The following TRPC4 variants were observed in gnomAD, a reference collection of about 807,000 sequenced individuals.
The protein encoded by TRPC4 is short transient receptor potential channel 4.
Under a neutral mutation model 99.4 loss-of-function variants are expected in TRPC4, and 49 were observed. The observed-to-expected ratio is 0.49, with a 90% confidence interval of 0.39 to 0.63. The LOEUF is 0.63. Ranked by LOEUF, TRPC4 falls within the 20% of genes least tolerant of loss-of-function variation. TRPC4 has a pLI of 0.00. For missense variants in TRPC4, 898 were observed against 1,152.9 expected, an observed-to-expected ratio of 0.78 and a Z score of 3.20; for synonymous variants, 454 against 425.9, an observed-to-expected ratio of 1.07 and a Z score of -0.81.
intron 3 of TRPC4, among the ~76,000 whole-genome samples, chr13:37,718,815 T>C (rs1954764363): frequency 6.6e-6 from 1 of 152,044 alleles, no homozygotes; most frequent in African/African-American, 2.4e-5. Context: ...ATTTGAAGTC[T>C]CAGAAGAATA....
chr13:37,800,158 G>A (rs892946379), intron 1 of TRPC4, among the ~76,000 whole-genome samples: 4 of 152,154 alleles, frequency 2.6e-5, no homozygotes, highest in African/African-American at 4.8e-5. Context: ...CACATATTCT[G>A]TGGCAGATAT....
chr13:37,677,056 G>A (rs1953082462), intron 4 of TRPC4, among the ~76,000 whole-genome samples: 1 of 151,882 alleles, frequency 6.6e-6, no homozygotes, highest in Non-Finnish European at 1.5e-5. Context: ...AAAGTAAAAG[G>A]TATAATGACA....
intron 3 of TRPC4, among the ~76,000 whole-genome samples, chr13:37,714,037 TTCCTTCCTTCCTTCCC>T (rs886252734): frequency 3.9e-5 from 6 of 151,916 alleles, no homozygotes; most frequent in East Asian, 1.9e-4. Flanking sequence ...CCAAGCTTGC[TTCCTTCCTTCCTTCCC>T]TCCTTCCTTC....
At chr13:37,837,837 C>G (rs1958609258) in intron 1 of TRPC4, among the ~76,000 whole-genome samples, 1 of 152,068 alleles carries the variant, frequency 6.6e-6, no homozygotes, top group Non-Finnish European at 1.5e-5. Flanking sequence ...TTGGCTGTGT[C>G]CCCACTCAAA....
chr13:37,798,407 T>C (rs1957310444), intron 1 of TRPC4, among the ~76,000 whole-genome samples: 2 of 152,124 alleles, frequency 1.3e-5, no homozygotes, highest in Admixed American at 1.3e-4. Context: ...AAAAAAATGG[T>C]TTATTAACTT....
At chr13:37,655,421 C>T (rs1239077261) in intron 6 of TRPC4, 138 bp from the exon 7 acceptor site, 3 of 314,400 alleles carry the variant, frequency 9.5e-6, no homozygotes, top group Non-Finnish European at 1.1e-5. Context: ...GTAAAATAAC[C>T]TTTTAGGACA....
chr13:37,746,565 G>C (rs1485803908), intron 2 of TRPC4, 110 bp from the exon 3 acceptor site: 11 of 139,874 alleles, frequency 7.9e-5, no homozygotes, highest in Non-Finnish European at 1.3e-4. Context: ...GTCCTTGGCC[G>C]GGTTTTTTTT....
intron 1 of TRPC4, among the ~76,000 whole-genome samples, chr13:37,866,916 C>T (rs1959794713): frequency 6.7e-6 from 1 of 148,744 alleles, no homozygotes; most frequent in South Asian, 2.1e-4. Context: ...GTCTCCTCAA[C>T]CTCATTTTTA....
At chr13:37,843,731 G>C (rs1255874887) in intron 1 of TRPC4, among the ~76,000 whole-genome samples, 1 of 151,470 alleles carries the variant, frequency 6.6e-6, no homozygotes, top group Non-Finnish European at 1.5e-5. Context: ...TGCACACACA[G>C]AGTAGTGTGT....
At chr13:37,716,726 C>T (rs574126881) in intron 3 of TRPC4, among the ~76,000 whole-genome samples, 22 of 152,104 alleles carry the variant, frequency 1.4e-4, no homozygotes, top group South Asian at 1.2e-3. Flanking sequence ...AAAAAAACCA[C>T]GCACTCTCTC....
intron 2 of TRPC4, among the ~76,000 whole-genome samples, chr13:37,756,711 T>TCTTAG (rs1956107723): frequency 6.6e-6 from 1 of 151,628 alleles, no homozygotes; most frequent in Non-Finnish European, 1.5e-5. Context: ...TTTTTTGGAT[T>TCTTAG]CTTAGCAGAT....
rs575163386 is a variant in TRPC4 at position 37,782,262 on chromosome 13, G to C, written c.378+694C>G. On this transcript the variant is annotated intron_variant, in intron 2 of 10. Transcript: ENST00000379705. ...TCCACTTCCTTAGTGGAAAAAGACAGAGAGAAAGAGAAAAACACACATTGT... is the reference window on the plus strand; with the variant it reads ...TCCACTTCCTTAGTGGAAAAAGACACAGAGAAAGAGAAAAACACACATTGT... Among the ~76,000 whole-genome samples the C allele has an allele frequency of 2.0e-5, 3 of 152,248 alleles. No individual in the cohort carries two copies. In the South Asian group the frequency reaches 6.2e-4, roughly 32 times the overall value.
At chr13:37,696,561 C>G (rs1953910947) in intron 3 of TRPC4, among the ~76,000 whole-genome samples, 1 of 152,178 alleles carries the variant, frequency 6.6e-6, no homozygotes, top group Non-Finnish European at 1.5e-5. Context: ...GAACAACCGT[C>G]CTGGCTACTT....
rs1274847242 is a variant in TRPC4, at chr13:37,632,496, G to A, written c.*4407C>T. Among the ~76,000 whole-genome samples, 1 of 152,110 alleles carries A rather than the reference G, an allele frequency of 6.6e-6. No individual in the cohort carries two copies. Among genetic ancestry groups the A allele is most frequent in the African/African-American group, 2.4e-5 (1 of 41,420 alleles). On this transcript the variant is annotated 3_prime_UTR_variant, in exon 11 of 11. Coordinates refer to ENST00000379705, the MANE Select transcript of TRPC4 (RefSeq NM_016179.4). ...GTGATTAATAGCCGTATGAGTATAG[G>A]AGCTACGTTACTGAACAGTGCAGCT...
intron 1 of TRPC4, among the ~76,000 whole-genome samples, chr13:37,788,703 C>T (rs1266289811): frequency 2.6e-5 from 4 of 151,984 alleles, no homozygotes; most frequent in Non-Finnish European, 5.9e-5. Flanking sequence ...TTATCTATCA[C>T]TCTCCCTATT....
At chr13:37,695,741 A>G (rs1024066226) in intron 3 of TRPC4, among the ~76,000 whole-genome samples, 1 of 152,226 alleles carries the variant, frequency 6.6e-6, no homozygotes, top group Non-Finnish European at 1.5e-5. Flanking sequence ...ATTATTATTT[A>G]TAGAATCACT....
Position 37,655,229 on chromosome 13 carries a change from T to A in TRPC4, c.1743A>T (p.Leu581Phe). 6.2e-7 allele frequency: 1 copy of A among 1,608,072 alleles called. No individual in the cohort carries two copies. The highest frequency in any genetic ancestry group is 2.2e-5 in the East Asian group (1 of 44,530). Residue 581 changes from leucine to phenylalanine, a missense_variant, in exon 7 of 11, where the codon TTA becomes TTT. By Grantham distance (22) the Leu-to-Phe change is conservative. Coordinates refer to ENST00000379705, the MANE Select transcript of TRPC4 (RefSeq NM_016179.4). ...GCTGTGCTTTGACATTGGTCACATA[T>A]AAATTGATGAGCCCAAATATTGACC... ...LFWSIFGLINLYVTNVKAQHE... is the reference protein window; with the variant it reads ...LFWSIFGLINFYVTNVKAQHE...
intron 7 of TRPC4, among the ~76,000 whole-genome samples, chr13:37,651,748 A>G (rs1489310125): frequency 6.6e-6 from 1 of 152,208 alleles, no homozygotes; most frequent in Non-Finnish European, 1.5e-5. Context: ...TGACTTGAAG[A>G]TTAGCCTGCA....
rs564675777 is a variant in TRPC4, at chr13:37,838,656, A to G, written c.-28+30939T>C. 2.0e-5 allele frequency among the ~76,000 whole-genome samples: 3 copies of G among 152,330 alleles called. No homozygotes were observed. The South Asian group carries it at 6.2e-4, about 32-fold the overall frequency. ...AAAAGTATCAAAATGATTCCATTGT[A>G]CTAAATTTACCTTTTACTTGCCCTG... On this transcript the variant is annotated intron_variant, in intron 1 of 10. Coordinates refer to ENST00000379705, the MANE Select transcript of TRPC4 (RefSeq NM_016179.4).
Sources: allele counts gnomAD v4.1 joint callset (sites outside exome capture counted in the v4.1 genomes callset), GRCh38; gene constraint gnomAD v4.1.1; transcripts MANE v1.5; gene names NCBI Gene and HGNC (gene_info 2026-07-23, HGNC 2026-07-21).